MARCHF7: variants seen among roughly 807,000 people sequenced by gnomAD.
MARCHF7 encodes membrane associated ring-CH-type finger 7, also known as E3 ubiquitin-protein ligase MARCHF7.
A neutral mutation model predicts 76.5 loss-of-function variants in MARCHF7; 20 were observed. That is an observed-to-expected ratio of 0.26 (90% CI 0.18 to 0.38). MARCHF7 has a LOEUF of 0.38. MARCHF7 is among the 10% of genes least tolerant of loss of function. MARCHF7 has a pLI of 1.00. For missense variants in MARCHF7, 797 were observed against 812.9 expected, an observed-to-expected ratio of 0.98 and a Z score of 0.24; for synonymous variants, 295 against 293.0, an observed-to-expected ratio of 1.01 and a Z score of -0.07.
At chr2:159,733,549 T>TAAAAA (rs11432807) in intron 4 of MARCHF7, 20 of 945,216 alleles carry the variant, frequency 2.1e-5, no homozygotes, top group Non-Finnish European at 2.2e-5. Context: ...GAGGCAACAT[T>TAAAAA]AAAAAAAAAA....
intron 3 of MARCHF7, among the ~76,000 whole-genome samples, chr2:159,722,919 T>G (rs1419613294): frequency 1.3e-5 from 2 of 152,192 alleles, no homozygotes; most frequent in African/African-American, 2.4e-5. Flanking sequence ...ACTAGGTTAG[T>G]TTAGTTCTGC....
chr2:159,720,447 G>A (rs1033101344), intron 3 of MARCHF7, among the ~76,000 whole-genome samples: 2 of 152,092 alleles, frequency 1.3e-5, no homozygotes, highest in African/African-American at 2.4e-5. Context: ...TGCTCTTTTT[G>A]CAGTTTCCTG....
intron 3 of MARCHF7, among the ~76,000 whole-genome samples, chr2:159,716,763 A>C (rs1188333185): frequency 6.6e-6 from 1 of 152,188 alleles, no homozygotes; most frequent in African/African-American, 2.4e-5. Flanking sequence ...TCTTCCCTGG[A>C]TATTTAAGAT....
chr2:159,729,989 A>G (rs1448790266), intron 4 of MARCHF7, among the ~76,000 whole-genome samples: 6 of 152,120 alleles, frequency 3.9e-5, no homozygotes, highest in Admixed American at 2.6e-4. Flanking sequence ...TGAATTTTTA[A>G]ATTTGATTTT....
chr2:159,739,253 C>T (rs549233590), intron 4 of MARCHF7, among the ~76,000 whole-genome samples: 29 of 152,342 alleles, frequency 1.9e-4, no homozygotes, highest in African/African-American at 5.1e-4. Flanking sequence ...CTCTGTGGAG[C>T]GCACAGACCC....
Position 159,748,306 on chromosome 2 carries a change from A to T in MARCHF7, c.1016A>T (p.Asn339Ile). ...NVPSASEVPD[N>I]RASEASQGFR... is the part of the protein sequence containing the mutation. ...CCATCAGCTTCTGAAGTTCCCGATA[A>T]TAGGGCATCTGAAGCTTCTCAGGGA... is the stretch of plus-strand genomic sequence containing the variant. The change falls in exon 7 of 12, where the codon AAT becomes ATT. Residue 339 changes from asparagine to isoleucine, a missense_variant. Around this residue, in one of 3 missense-constraint regions of MARCHF7, gnomAD observed 643 missense variants for 631.5 expected, o/e 1.02. Transcript: ENST00000409175. The T allele has an allele frequency of 6.2e-7, 1 of 1,613,434 alleles. No homozygotes were observed. The highest frequency in any genetic ancestry group is 8.5e-7 in the Non-Finnish European group (1 of 1,179,948).
Position 159,767,374 on chromosome 2 carries a change from C to T in MARCHF7, c.*32C>T. 6.6e-7 allele frequency: 1 copy of T among 1,512,060 alleles called. No homozygotes were observed. Among genetic ancestry groups the T allele is most frequent in the Non-Finnish European group, 9.1e-7 (1 of 1,096,144 alleles). The allele number at this position is 1,512,060 out of a possible 1,614,324, so 93.7% of individuals were successfully genotyped here. A position where few individuals can be genotyped will look rare whatever the true frequency, so the allele number is the denominator to read the frequency against. ...ATAAGACAGATGGATGATCTGTGAA[C>T]ATAAGTGTTTATTAAAAATGGCAAT... On this transcript the variant is annotated 3_prime_UTR_variant, in exon 12 of 12. Transcript: ENST00000409175.
chr2:159,770,175 A>G lies in MARCHF7; in HGVS notation c.*2833A>G, dbSNP rs1200864082. 1 of 152,158 alleles carries G rather than the reference A, an allele frequency of 6.6e-6. No homozygotes were observed. The highest frequency in any genetic ancestry group is 1.5e-5 in the Non-Finnish European group (1 of 68,018). The allele number at this position is 152,158 out of a possible 1,614,324, so 9.4% of individuals were successfully genotyped here. A position where few individuals can be genotyped will look rare whatever the true frequency, so the allele number is the denominator to read the frequency against. On this transcript the variant is annotated 3_prime_UTR_variant, in exon 12 of 12. Coordinates refer to ENST00000409175, the MANE Select transcript of MARCHF7 (RefSeq NM_001282805.2). ...CTTCAAGGAGTGGTACAATTTGGGT[A>G]GGAAAACCAGGCAGGAATTCCAGGG... is the stretch of plus-strand genomic sequence containing the variant.
At chr2:159,736,739 G>T (rs905314146) in intron 4 of MARCHF7, among the ~76,000 whole-genome samples, 1 of 152,038 alleles carries the variant, frequency 6.6e-6, no homozygotes, top group African/African-American at 2.4e-5. Context: ...CTATTATGAA[G>T]GTAAAAAGAA....
At chr2:159,755,152 G>A (rs1706137519) in intron 8 of MARCHF7, among the ~76,000 whole-genome samples, 1 of 152,160 alleles carries the variant, frequency 6.6e-6, no homozygotes, top group Non-Finnish European at 1.5e-5. Flanking sequence ...AGTGTATAGT[G>A]AGAAAGAGGT....
intron 1 of MARCHF7, 143 bp from the exon 2 acceptor site, chr2:159,714,414 G>C (rs1700796896): frequency 6.6e-6 from 1 of 152,086 alleles, no homozygotes; most frequent in South Asian, 2.1e-4. Context: ...ACTGTACAGT[G>C]GTTCTGTGGG....
At chr2:159,764,174 A>G (rs1020947249) in intron 10 of MARCHF7, among the ~76,000 whole-genome samples, 11 of 151,226 alleles carry the variant, frequency 7.3e-5, no homozygotes, top group African/African-American at 2.7e-4. Context: ...GTATACTTTT[A>G]TCAAATTTAG....
intron 6 of MARCHF7, 46 bp from the exon 7 acceptor site, chr2:159,747,759 T>C: frequency 6.6e-7 from 1 of 1,508,574 alleles, no homozygotes; most frequent in East Asian, 2.3e-5. Context: ...CAAATAATAA[T>C]GCTCAAATTA....
chr2:159,720,408 A>G (rs1009232525), intron 3 of MARCHF7, among the ~76,000 whole-genome samples: 1 of 152,158 alleles, frequency 6.6e-6, no homozygotes, highest in South Asian at 2.1e-4. Context: ...TGGTATTTAT[A>G]TTATGGCTAT....
chr2:159,724,690 A>AT (rs1043351309), intron 3 of MARCHF7, among the ~76,000 whole-genome samples: 1 of 151,968 alleles, frequency 6.6e-6, no homozygotes, highest in Non-Finnish European at 1.5e-5. Context: ...TTATGAATGA[A>AT]TTTTTTTTAT....
rs1708102412 is a variant in MARCHF7 at position 159,770,423 on chromosome 2, G to T, written c.*3081G>T. ...CATTAATGATAGTGCCATTAATTGTGATGAGTGTTTTCGATTCATGTGGTC... is the reference window on the plus strand; with the variant it reads ...CATTAATGATAGTGCCATTAATTGTTATGAGTGTTTTCGATTCATGTGGTC... On this transcript the variant is annotated 3_prime_UTR_variant, in exon 12 of 12. Transcript: ENST00000409175. The T allele has an allele frequency of 6.6e-6, 1 of 152,134 alleles. No homozygotes were observed. Among genetic ancestry groups the T allele is most frequent in the Non-Finnish European group, 1.5e-5 (1 of 68,026 alleles). The allele number at this position is 152,134 out of a possible 1,614,324, so 9.4% of individuals were successfully genotyped here.
At chr2:159,731,917 A>C (rs1203301556) in intron 4 of MARCHF7, among the ~76,000 whole-genome samples, 4 of 151,156 alleles carry the variant, frequency 2.6e-5, no homozygotes, top group Admixed American at 1.3e-4. Context: ...ATCCTGGCTA[A>C]CACAGTGAAA....
chr2:159,751,033 A>G (rs1705583567), intron 7 of MARCHF7, among the ~76,000 whole-genome samples: 1 of 151,892 alleles, frequency 6.6e-6, no homozygotes, highest in African/African-American at 2.4e-5. Context: ...TAAACTTGCT[A>G]TTTTTCCTTT....
chr2:159,718,276 G>A (rs1237319492), intron 3 of MARCHF7, among the ~76,000 whole-genome samples: 2 of 152,080 alleles, frequency 1.3e-5, no homozygotes, highest in African/African-American at 4.8e-5. Context: ...GGCAAAGATT[G>A]ACTTATTTCC....
Sources: gnomAD v4.1 joint callset for allele counts (sites outside exome capture counted in the v4.1 genomes callset) on GRCh38, gnomAD v4.1.1 for gene constraint, gnomAD v4.1.1 regional missense constraint, MANE v1.5 for transcripts, NCBI Gene and HGNC (gene_info 2026-07-23, HGNC 2026-07-21) for gene names.